TSNARE1: variants seen among roughly 807,000 people sequenced by gnomAD.
TSNARE1 encodes t-SNARE domain-containing protein 1.
TSNARE1 carries 49 observed loss-of-function variants against 62.0 expected under a neutral mutation model. That is an observed-to-expected ratio of 0.79 (90% CI 0.63 to 1.00). The LOEUF (loss-of-function observed/expected upper bound fraction) is 1.00, where lower values mean the gene tolerates loss of function less well. TSNARE1 is among the 50% of genes least tolerant of loss of function. TSNARE1 has a pLI of 0.00. For synonymous variants in TSNARE1, 328 were observed against 294.4 expected (o/e 1.11, Z -1.17); for missense variants, 755 against 700.1 (o/e 1.08, Z -0.88).
chr8:142,229,352 A>G, intron 13 of TSNARE1, 121 bp downstream of exon 13: 1 of 795,104 alleles, frequency 1.3e-6, no homozygotes, highest in Non-Finnish European at 2.1e-6. Context: ...AGACAGGTGG[A>G]TAAATGGGTG....
At chr8:142,282,484 G>A (rs1316817727) in intron 11 of TSNARE1, among the ~76,000 whole-genome samples, 2 of 151,874 alleles carry the variant, frequency 1.3e-5, no homozygotes, top group East Asian at 1.9e-4. Context: ...GTCTGTCAAA[G>A]AGCAAAGGCG....
At chr8:142,398,294 C>T (rs1302853954) in intron 1 of TSNARE1, among the ~76,000 whole-genome samples, 4 of 150,826 alleles carry the variant, frequency 2.7e-5, no homozygotes, top group African/African-American at 7.3e-5. Flanking sequence ...AAAACATGTC[C>T]CCAGCCCTGC....
At chr8:142,248,451 C>T (rs1817999206) in intron 12 of TSNARE1, among the ~76,000 whole-genome samples, 1 of 152,234 alleles carries the variant, frequency 6.6e-6, no homozygotes, top group South Asian at 2.1e-4. Context: ...CTGGTGTTCT[C>T]TCTCTCTCAG....
chr8:142,381,121 G>C (rs1836710005), intron 1 of TSNARE1, among the ~76,000 whole-genome samples: 1 of 152,226 alleles, frequency 6.6e-6, no homozygotes, highest in Non-Finnish European at 1.5e-5. Flanking sequence ...CAACTGCTGG[G>C]CTCCAAATCA....
rs538469940 is a variant in TSNARE1, at chr8:142,339,076, A to G, written c.745+4890T>C. On this transcript the variant is annotated intron_variant, in intron 4 of 13. Coordinates refer to ENST00000524325, the MANE Select transcript of TSNARE1 (RefSeq NM_145003.5). Reference sequence around the variant, plus strand: ...CATCTGGTGATGGACAGACGTGAGGAAAGAGGTAGTAGGGACAGAGGTCTG... The same window carrying G: ...CATCTGGTGATGGACAGACGTGAGGGAAGAGGTAGTAGGGACAGAGGTCTG... Among the ~76,000 whole-genome samples, 3 of 152,162 alleles carry G rather than the reference A, an allele frequency of 2.0e-5. No individual in the cohort carries two copies. The South Asian group carries it at 6.2e-4, about 32-fold the overall frequency.
At position 142,322,364 on chromosome 8, in the gene TSNARE1, C is replaced by A. The variant is rs1159756703; in HGVS notation, c.894-3730G>T. Reference sequence around the variant, plus strand: ...GAATGCTTCCCCGTAAGATGGGGAACAAGGCAGGTATGTGTGCTTTCACTA... The same window carrying A: ...GAATGCTTCCCCGTAAGATGGGGAAAAAGGCAGGTATGTGTGCTTTCACTA... On this transcript the variant is annotated intron_variant, in intron 6 of 13. Coordinates refer to ENST00000524325, the MANE Select transcript of TSNARE1 (RefSeq NM_145003.5). Among the ~76,000 whole-genome samples, 7 of 152,280 alleles carry A rather than the reference C, an allele frequency of 4.6e-5. No individual in the cohort carries two copies. The East Asian group carries it at 1.2e-3, about 25-fold the overall frequency.
intron 4 of TSNARE1, among the ~76,000 whole-genome samples, chr8:142,335,598 CA>C (rs35069056): frequency 1.1e-4 from 16 of 144,222 alleles, no homozygotes; most frequent in African/African-American, 3.9e-4. Flanking sequence ...AATTCTACTC[CA>C]AAAAAAAAGG....
intron 12 of TSNARE1, among the ~76,000 whole-genome samples, chr8:142,235,568 G>A (rs1297027479): frequency 6.6e-6 from 1 of 152,108 alleles, no homozygotes; most frequent in Non-Finnish European, 1.5e-5. Context: ...GGAGCCATTT[G>A]GATAGATGGG....
chr8:142,313,675 CTGTG>C (rs1051673453), intron 9 of TSNARE1, among the ~76,000 whole-genome samples: 4 of 151,926 alleles, frequency 2.6e-5, no homozygotes, highest in South Asian at 4.2e-4. Context: ...GTCTGTGTCT[CTGTG>C]TGTTTATCTC....
intron 13 of TSNARE1, among the ~76,000 whole-genome samples, chr8:142,226,046 G>A (rs1255993194): frequency 6.6e-6 from 1 of 152,142 alleles, no homozygotes; most frequent in Non-Finnish European, 1.5e-5. Flanking sequence ...GACACCAGCT[G>A]TCTGATTTAG....
chr8:142,401,367 C>T (rs1838278742), intron 1 of TSNARE1, among the ~76,000 whole-genome samples: 1 of 151,212 alleles, frequency 6.6e-6, no homozygotes, highest in Non-Finnish European at 1.5e-5. Context: ...AAGCAGAAGG[C>T]TCTGCATCGA....
intron 1 of TSNARE1, among the ~76,000 whole-genome samples, chr8:142,387,646 A>G (rs967712481): frequency 1.9e-4 from 29 of 152,312 alleles, no homozygotes; most frequent in African/African-American, 6.3e-4. Context: ...TTTGACAAAC[A>G]GGATGAAATT....
chr8:142,310,469 C>T (rs1003981312), intron 9 of TSNARE1, among the ~76,000 whole-genome samples: 19 of 152,192 alleles, frequency 1.2e-4, no homozygotes, highest in Admixed American at 3.9e-4. Flanking sequence ...CTCCCTCCTC[C>T]GGGACACGCT....
rs1376785652 is a variant in TSNARE1 at position 142,222,746 on chromosome 8, AC to A, written c.*11+6726del. On this transcript the variant is annotated intron_variant, in intron 13 of 13. Coordinates refer to ENST00000524325, the MANE Select transcript of TSNARE1 (RefSeq NM_145003.5). ...CACTCACTCATCCACTCACTCACTC[AC>A]TCATCCACTCACTCACTCATTCACT... 5.3e-3 allele frequency among the ~76,000 whole-genome samples: 688 copies of A among 129,768 alleles called. 72 individuals are homozygous for A. Among genetic ancestry groups the A allele is most frequent in the African/African-American group, 0.018 (624 of 34,854 alleles). 85.1% of individuals were successfully genotyped at this position (129,768 alleles called of 152,430 possible). A position where few individuals can be genotyped will look rare whatever the true frequency, so the allele number is the denominator to read the frequency against.
chr8:142,286,381 G>A (rs1472071402), intron 10 of TSNARE1, among the ~76,000 whole-genome samples: 1 of 152,182 alleles, frequency 6.6e-6, no homozygotes, highest in Non-Finnish European at 1.5e-5. Flanking sequence ...GGAGTATTCT[G>A]GGAAATGAAG....
At position 142,282,783 on chromosome 8, in the gene TSNARE1, C is replaced by T. The variant is rs370741958; in HGVS notation, c.1363+1630G>A. On this transcript the variant is annotated intron_variant, in intron 11 of 13. Coordinates refer to ENST00000524325, the MANE Select transcript of TSNARE1 (RefSeq NM_145003.5). ...GTCAGTGTCTGCCAATGAGCAGAGG[C>T]GGGGTCAGTGTCTGCCAATGAGCAG... 1.3e-4 allele frequency among the ~76,000 whole-genome samples: 18 copies of T among 138,396 alleles called. No individual in the cohort carries two copies. In the East Asian group the frequency reaches 3.7e-3, roughly 29 times the overall value. 90.8% of individuals were successfully genotyped at this position (138,396 alleles called of 152,430 possible).
At chr8:142,240,725 T>G (rs1817638182) in intron 12 of TSNARE1, among the ~76,000 whole-genome samples, 1 of 152,222 alleles carries the variant, frequency 6.6e-6, no homozygotes, top group Admixed American at 6.5e-5. Context: ...TTTAGAAATT[T>G]TATAATCTCC....
chr8:142,294,001 CA>C (rs1824253592), intron 10 of TSNARE1, among the ~76,000 whole-genome samples: 1 of 152,108 alleles, frequency 6.6e-6, no homozygotes, highest in African/African-American at 2.4e-5. Context: ...GGGGCAGGGA[CA>C]GGGGCAGGGG....
intron 1 of TSNARE1, among the ~76,000 whole-genome samples, chr8:142,377,709 C>A (rs1836449994): frequency 1.3e-5 from 2 of 152,254 alleles, no homozygotes; most frequent in Admixed American, 6.5e-5. Flanking sequence ...CAGCACAGGC[C>A]CCTGCAAAAT....
Sources: gnomAD v4.1 joint callset for allele counts (sites outside exome capture counted in the v4.1 genomes callset) on GRCh38, gnomAD v4.1.1 for gene constraint, MANE v1.5 for transcripts, NCBI Gene and HGNC (gene_info 2026-07-23, HGNC 2026-07-21) for gene names.